The following FBXO3 variants were observed in gnomAD, a reference collection of about 807,000 sequenced individuals.
FBXO3 encodes F-box protein 3.
FBXO3 carries 17 observed loss-of-function variants against 64.8 expected under a neutral mutation model. The observed-to-expected ratio is 0.26, with a 90% CI of 0.18 to 0.39. FBXO3 has a LOEUF of 0.39. Ranked by LOEUF, FBXO3 falls within the 10% of genes least tolerant of loss-of-function variation. FBXO3 has a pLI of 1.00. For missense variants in FBXO3, 420 were observed against 589.9 expected (o/e 0.71, Z 2.98); for synonymous variants, 182 against 201.6 (o/e 0.90, Z 0.82).
Position 33,748,757 on chromosome 11 carries a change from C to G in FBXO3, c.1048+20G>C. The G allele has an allele frequency of 1.3e-6, 2 of 1,502,866 alleles. No homozygotes were observed. Among genetic ancestry groups the G allele is most frequent in the Non-Finnish European group, 9.2e-7 (1 of 1,081,892 alleles). 93.1% of individuals were successfully genotyped at this position (1,502,866 alleles called of 1,614,324 possible). ...TCTTCTAAGGAATTAATGTATAAAC[C>G]TAAATCTTGGGTTCCATACCAACTA... On this transcript the variant is annotated intron_variant, in intron 9 of 10. Coordinates refer to ENST00000265651, the MANE Select transcript of FBXO3 (RefSeq NM_012175.4).
intron 3 of FBXO3, among the ~76,000 whole-genome samples, chr11:33,764,721 C>A (rs932566847): frequency 3.9e-5 from 6 of 152,122 alleles, no homozygotes; most frequent in Non-Finnish European, 8.8e-5. Flanking sequence ...CATCTGTAAT[C>A]TCAGCACTTT....
intron 8 of FBXO3, 62 bp downstream of exon 8, chr11:33,750,476 GC>G: frequency 6.4e-7 from 1 of 1,562,750 alleles, no homozygotes; most frequent in Non-Finnish European, 8.8e-7. Context: ...TGGGACAATA[GC>G]AACATGTCCA....
Position 33,741,899 on chromosome 11 carries a change from G to C in FBXO3, c.*9C>G, listed in dbSNP as rs781334696. 2.1e-5 allele frequency: 33 copies of C among 1,608,648 alleles called. No homozygotes were observed. The highest frequency in any genetic ancestry group is 2.8e-5 in the Non-Finnish European group (33 of 1,177,406). On this transcript the variant is annotated 3_prime_UTR_variant, in exon 11 of 11. Coordinates refer to ENST00000265651, the MANE Select transcript of FBXO3 (RefSeq NM_012175.4). ...AATCATCCTAGTGCTTCCATCAGCA[G>C]AAGGCTTGCTAAAAAAGGCGTGAGC... is the stretch of plus-strand genomic sequence containing the variant.
At chr11:33,759,755 G>T (rs570768230) in intron 3 of FBXO3, among the ~76,000 whole-genome samples, 1 of 135,220 alleles carries the variant, frequency 7.4e-6, no homozygotes, top group Non-Finnish European at 1.6e-5. Context: ...ATAATACATC[G>T]TTATTGGAGT....
chr11:33,770,991 A>G, intron 1 of FBXO3, 161 bp from the exon 2 acceptor site: 2 of 539,724 alleles, frequency 3.7e-6, no homozygotes, highest in South Asian at 5.7e-5. Flanking sequence ...CCTGTTTAAC[A>G]TGTTAAGTAG....
At chr11:33,757,656 TAAAAAAAAAA>T (rs1170445394) in intron 4 of FBXO3, among the ~76,000 whole-genome samples, 10 of 23,980 alleles carry the variant, frequency 4.2e-4, no homozygotes, top group African/African-American at 9.3e-4. Flanking sequence ...CACCATCTCT[TAAAAAAAAAA>T]AAAAAAAAAA....
chr11:33,752,073 TCA>T (rs1334461600), intron 6 of FBXO3, among the ~76,000 whole-genome samples: 1 of 152,244 alleles, frequency 6.6e-6, no homozygotes, highest in African/African-American at 2.4e-5. Flanking sequence ...GAAGCCAGGC[TCA>T]GTCTGGACAT....
In FBXO3 at chr11:33,751,627, GA is replaced by G; in HGVS notation, c.725-21del. 1.4e-6 allele frequency: 2 copies of G among 1,389,756 alleles called. No individual in the cohort carries two copies. Among genetic ancestry groups the G allele is most frequent in the Non-Finnish European group, 1.0e-6 (1 of 1,003,764 alleles). 86.1% of individuals were successfully genotyped at this position (1,389,756 alleles called of 1,614,324 possible). A position where few individuals can be genotyped will look rare whatever the true frequency, so the allele number is the denominator to read the frequency against. ...TAGCACCTATAAAGCAGGAAAGGGA[GA>G]AAAAAAGAAAAGAACAAATAGTTTT... is the stretch of plus-strand genomic sequence containing the variant. On this transcript the variant is annotated intron_variant, in intron 6 of 10. Coordinates refer to ENST00000265651, the MANE Select transcript of FBXO3 (RefSeq NM_012175.4).
chr11:33,755,680 C>G, intron 5 of FBXO3, 91 bp downstream of exon 5: 1 of 913,426 alleles, frequency 1.1e-6, no homozygotes, highest in Non-Finnish European at 1.8e-6. Flanking sequence ...ATTCTATACC[C>G]ATTCTACAAT....
At chr11:33,756,945 T>C (rs943742296) in intron 4 of FBXO3, 4 of 511,264 alleles carry the variant, frequency 7.8e-6, no homozygotes, top group Middle Eastern at 3.2e-4. Context: ...GCTACCCAGG[T>C]TGGTCTTGAA....
chr11:33,754,737 C>A (rs141909142), intron 5 of FBXO3, among the ~76,000 whole-genome samples: 1 of 152,134 alleles, frequency 6.6e-6, no homozygotes, highest in East Asian at 1.9e-4. Flanking sequence ...CATCCTACAA[C>A]CTTACAGAGA....
chr11:33,747,835 T>C (rs1854856069), intron 9 of FBXO3, among the ~76,000 whole-genome samples: 1 of 150,434 alleles, frequency 6.6e-6, no homozygotes, highest in African/African-American at 2.5e-5. Flanking sequence ...TTTAATGTAT[T>C]CCTCAAATTC....
intron 10 of FBXO3, chr11:33,746,373 A>C (rs1253350206): frequency 1.4e-5 from 5 of 350,712 alleles, no homozygotes; most frequent in Non-Finnish European, 2.1e-5. Flanking sequence ...GTAATGGCCC[A>C]AAGTCTCATT....
intron 1 of FBXO3, chr11:33,773,753 T>C (rs1279383850): frequency 6.6e-6 from 1 of 152,340 alleles, no homozygotes; most frequent in Non-Finnish European, 1.5e-5. Flanking sequence ...GGAGAAAAGA[T>C]AGTCACCGGT....
At chr11:33,745,582 C>A (rs181023594) in intron 10 of FBXO3, 88 of 152,136 alleles carry the variant, frequency 5.8e-4, no homozygotes, top group African/African-American at 2.0e-3. Context: ...CTAGAAAAGT[C>A]ATAGATCAAA....
Position 33,748,876 on chromosome 11 carries a change from C to G in FBXO3, c.949G>C (p.Asp317His). ...TYRIRIEMSKDALPEKACQLD... is the reference protein window; with the variant it reads ...TYRIRIEMSKHALPEKACQLD... ...TGACAGGCCTTCTCAGGAAGTGCATCTTTTGACATTTCAATCCTAGAGAAG... is the reference window on the plus strand; with the variant it reads ...TGACAGGCCTTCTCAGGAAGTGCATGTTTTGACATTTCAATCCTAGAGAAG... Residue 317 changes from aspartate (D) to histidine (H), a missense_variant, in exon 9 of 11, where the codon GAT becomes CAT. Asp to His is a moderately conservative substitution (Grantham distance 81). Around this residue, in one of 3 missense-constraint regions of FBXO3, gnomAD observed 337 missense variants for 518.4 expected, o/e 0.65. Coordinates refer to ENST00000265651, the MANE Select transcript of FBXO3 (RefSeq NM_012175.4). 6.2e-7 allele frequency: 1 copy of G among 1,612,864 alleles called. No individual in the cohort carries two copies. The highest frequency in any genetic ancestry group is 8.5e-7 in the Non-Finnish European group (1 of 1,179,034).
chr11:33,742,026 T>G lies in FBXO3; in HGVS notation c.1298A>C (p.Glu433Ala). Reference sequence around the variant, plus strand: ...ATCTGCTGAATCATCATCCTCGTCTTCCTCCTCTTCCTCCTCCTCCTCTTC... The same window carrying G: ...ATCTGCTGAATCATCATCCTCGTCTGCCTCCTCTTCCTCCTCCTCCTCTTC... Reference protein sequence around the residue: ...MEEEEEEEEEEDEDDDSADMD... With the variant: ...MEEEEEEEEEADEDDDSADMD... Residue 433 changes from glutamate to alanine, a missense_variant, in exon 11 of 11, where the codon GAA becomes GCA. This residue lies in a region of FBXO3 where 57 missense variants were observed against 55.4 expected (regional missense o/e 1.03). Coordinates refer to ENST00000265651, the MANE Select transcript of FBXO3 (RefSeq NM_012175.4). 1.2e-6 allele frequency: 2 copies of G among 1,606,562 alleles called. No individual in the cohort carries two copies. The highest frequency in any genetic ancestry group is 1.7e-6 in the Non-Finnish European group (2 of 1,174,038).
At position 33,749,826 on chromosome 11, in the gene FBXO3, G is replaced by A. The variant is rs370429593; in HGVS notation, c.932+713C>T. Among the ~76,000 whole-genome samples, 308 of 152,134 alleles carry A rather than the reference G, an allele frequency of 2.0e-3. 1 individual carries two copies. The highest frequency in any genetic ancestry group is 6.9e-3 in the African/African-American group (286 of 41,476). On this transcript the variant is annotated intron_variant, in intron 8 of 10. Transcript: ENST00000265651. The stretch of plus-strand genomic sequence containing the variant: ...CAGGATCTAAATCAAACAAGTAAAC[G>A]ACAAATATCTATACATGTGTATTTG...
chr11:33,758,524 A>G lies in FBXO3; in HGVS notation c.436T>C (p.Tyr146His), dbSNP rs758403633. The change falls in exon 4 of 11, where the codon TAC becomes CAC. Residue 146 changes from tyrosine (Y) to histidine (H), a missense_variant. Transcript: ENST00000265651. Reference sequence around the variant, plus strand: ...AACTTCTGTCCATTGTGAATTCGGTATGAACATCGATAATCGTCAGGAAGC... The same window carrying G: ...AACTTCTGTCCATTGTGAATTCGGTGTGAACATCGATAATCGTCAGGAAGC... ...CKLPDDYRCS[Y>H]RIHNGQKLVV... The G allele has an allele frequency of 6.2e-7, 1 of 1,608,888 alleles. No individual in the cohort carries two copies. The highest frequency in any genetic ancestry group is 1.1e-5 in the South Asian group (1 of 90,630).
Sources: gnomAD v4.1 joint callset for allele counts (sites outside exome capture counted in the v4.1 genomes callset) on GRCh38, gnomAD v4.1.1 for gene constraint, gnomAD v4.1.1 regional missense constraint, MANE v1.5 for transcripts, NCBI Gene and HGNC (gene_info 2026-07-23, HGNC 2026-07-21) for gene names.